SNX29: variants seen among roughly 807,000 people sequenced by gnomAD.
SNX29 encodes the protein sorting nexin 29.
A neutral mutation model predicts 102.1 loss-of-function variants in SNX29; 78 were observed. The observed-to-expected ratio is 0.76, with a 90% CI of 0.64 to 0.92. The LOEUF (loss-of-function observed/expected upper bound fraction) is 0.92, where lower values mean the gene tolerates loss of function less well. Among genes scored for constraint, SNX29 ranks in the 40% least tolerant of loss-of-function variants. SNX29 has a pLI of 0.00. For missense variants in SNX29, 1,280 were observed against 1,061.7 expected, an observed-to-expected ratio of 1.21 and a Z score of -2.86; for synonymous variants, 580 against 414.5, an observed-to-expected ratio of 1.40 and a Z score of -4.85.
At chr16:12,070,818 T>C (rs528597272) in intron 10 of SNX29, among the ~76,000 whole-genome samples, 6 of 152,312 alleles carry the variant, frequency 3.9e-5, no homozygotes, top group African/African-American at 1.4e-4. Flanking sequence ...TTCCTATTTC[T>C]CCACATCCAG....
At position 12,371,671 on chromosome 16, in the gene SNX29, A is replaced by G. The variant is rs1224977101; in HGVS notation, c.1899+15392A>G. Reference sequence around the variant, plus strand: ...TCTCCTGTCCAGGGTGTCATTGCCTATGCCAGCCTGAGTGTGTGGGCCTCC... The same window carrying G: ...TCTCCTGTCCAGGGTGTCATTGCCTGTGCCAGCCTGAGTGTGTGGGCCTCC... On this transcript the variant is annotated intron_variant, in intron 16 of 20. Transcript: ENST00000566228. Among the ~76,000 whole-genome samples the G allele has an allele frequency of 5.9e-5, 9 of 152,304 alleles. No individual in the cohort carries two copies. In the East Asian group the frequency reaches 1.7e-3, roughly 29 times the overall value.
intron 15 of SNX29, among the ~76,000 whole-genome samples, chr16:12,282,881 A>G (rs11861914): frequency 0.61 from 92,587 of 151,992 alleles, 28,828 homozygotes; most frequent in African/African-American, 0.7. Context: ...GGTCTCGAAC[A>G]CCTAACCTTA....
intron 11 of SNX29, among the ~76,000 whole-genome samples, chr16:12,104,842 T>C (rs533743607): frequency 4.0e-4 from 61 of 152,392 alleles, no homozygotes; most frequent in Admixed American, 3.6e-3. Context: ...GAACTTTCTT[T>C]GCTTTCCAGA....
intron 16 of SNX29, among the ~76,000 whole-genome samples, chr16:12,377,719 G>C (rs117130697): frequency 1.7e-3 from 252 of 152,228 alleles, no homozygotes; most frequent in Admixed American, 2.7e-3. Context: ...AGCTTATCTC[G>C]GGCCTGCAGT....
intron 20 of SNX29, among the ~76,000 whole-genome samples, chr16:12,542,307 G>C (rs190096887): frequency 6.6e-6 from 1 of 152,214 alleles, no homozygotes; most frequent in Non-Finnish European, 1.5e-5. Context: ...ATCACAGCTA[G>C]TAAGTTTTAG....
intron 9 of SNX29, among the ~76,000 whole-genome samples, chr16:12,068,068 A>G (rs11075044): frequency 0.31 from 47,870 of 152,018 alleles, 7,567 homozygotes; most frequent in Admixed American, 0.36. Context: ...TGTCTGATTC[A>G]AGGCACTACA....
chr16:12,448,031 C>A (rs576948711), intron 18 of SNX29, among the ~76,000 whole-genome samples: 2 of 152,250 alleles, frequency 1.3e-5, no homozygotes, highest in South Asian at 4.1e-4. Context: ...GGTGGCGTTC[C>A]CGGGATTGTG....
intron 20 of SNX29, among the ~76,000 whole-genome samples, chr16:12,547,231 G>A (rs1372303781): frequency 6.6e-6 from 1 of 152,240 alleles, no homozygotes; most frequent in Non-Finnish European, 1.5e-5. Flanking sequence ...CAGGGAGCCA[G>A]GCAGTGGACA....
chr16:12,182,775 CA>C (rs1006979574), intron 13 of SNX29, among the ~76,000 whole-genome samples: 3 of 149,294 alleles, frequency 2.0e-5, no homozygotes, highest in Non-Finnish European at 3.0e-5. Context: ...ACTAGAAATG[CA>C]AAAAAAAATT....
intron 13 of SNX29, among the ~76,000 whole-genome samples, chr16:12,160,565 G>C (rs2055741320): frequency 6.6e-6 from 1 of 152,172 alleles, no homozygotes; most frequent in East Asian, 1.9e-4. Context: ...GTTGGGGTGT[G>C]GGTGGTTGGG....
At chr16:12,480,048 A>G (rs1028943122) in intron 19 of SNX29, among the ~76,000 whole-genome samples, 1 of 152,116 alleles carries the variant, frequency 6.6e-6, no homozygotes, top group Non-Finnish European at 1.5e-5. Flanking sequence ...GATACAAACA[A>G]GAGTTCAGTT....
chr16:12,310,401 T>A (rs1323661283), intron 15 of SNX29, among the ~76,000 whole-genome samples: 1 of 151,796 alleles, frequency 6.6e-6, no homozygotes, highest in Non-Finnish European at 1.5e-5. Flanking sequence ...GTTAGCCAAC[T>A]AGAAAAGGCC....
intron 11 of SNX29, chr16:12,089,841 C>T (rs1307740472): frequency 2.5e-6 from 1 of 401,890 alleles, no homozygotes; most frequent in South Asian, 1.8e-5. Flanking sequence ...TTCCTTCCGT[C>T]CTTCACTGCT....
chr16:12,464,802 A>G (rs2086976917), intron 18 of SNX29, among the ~76,000 whole-genome samples: 1 of 152,096 alleles, frequency 6.6e-6, no homozygotes, highest in Non-Finnish European at 1.5e-5. Flanking sequence ...TGGATTCTGT[A>G]TGGTAGTGCT....
chr16:12,428,920 A>G (rs1242855263), intron 18 of SNX29, among the ~76,000 whole-genome samples: 1 of 152,178 alleles, frequency 6.6e-6, no homozygotes, highest in Admixed American at 6.5e-5. Context: ...ATCCCAACAC[A>G]CAGATACGAT....
intron 18 of SNX29, among the ~76,000 whole-genome samples, chr16:12,443,892 A>G (rs1049439695): frequency 3.3e-5 from 5 of 152,252 alleles, no homozygotes; most frequent in Non-Finnish European, 7.3e-5. Context: ...TTCACTGGGG[A>G]ATGTGAGCAT....
intron 20 of SNX29, among the ~76,000 whole-genome samples, chr16:12,539,980 C>T (rs963972639): frequency 5.9e-5 from 9 of 152,152 alleles, no homozygotes; most frequent in African/African-American, 2.2e-4. Context: ...ATATTTTCTT[C>T]TAGTCTTCAG....
rs898545098 is a variant in SNX29, at chr16:12,569,865, T to G, written c.*1236T>G. On this transcript the variant is annotated 3_prime_UTR_variant, in exon 21 of 21. Coordinates refer to ENST00000566228, the MANE Select transcript of SNX29 (RefSeq NM_032167.5). ...CTAGGAAGGATGTCGTGAAATGGAC[T>G]ATGCAAGAGTAAGTTTGTGTGTTTC... 11 of 231,254 alleles carry G rather than the reference T, an allele frequency of 4.8e-5. No homozygotes were observed. The highest frequency in any genetic ancestry group is 9.4e-5 in the Non-Finnish European group (11 of 116,850). The allele number at this position is 231,254 out of a possible 1,614,324, so 14.3% of individuals were successfully genotyped here.
chr16:12,211,762 T>TTTTG (rs913462010), intron 14 of SNX29, among the ~76,000 whole-genome samples: 3 of 152,170 alleles, frequency 2.0e-5, no homozygotes, highest in Non-Finnish European at 2.9e-5. Flanking sequence ...AACCTCCGTT[T>TTTTG]TTTGTTTGTT....
Sources: gnomAD v4.1 joint callset for allele counts (sites outside exome capture counted in the v4.1 genomes callset) on GRCh38, gnomAD v4.1.1 for gene constraint, MANE v1.5 for transcripts, NCBI Gene and HGNC (gene_info 2026-07-23, HGNC 2026-07-21) for gene names.